The following GOLIM4 variants were observed in gnomAD, a reference collection of about 807,000 sequenced individuals.
GOLIM4 encodes the protein golgi integral membrane protein 4.
GOLIM4 carries 71 observed loss-of-function variants against 107.4 expected under a neutral mutation model. The observed-to-expected ratio is 0.66, with a 90% CI of 0.55 to 0.81. GOLIM4 has a LOEUF of 0.81. Ranked by LOEUF, GOLIM4 falls within the 30% of genes least tolerant of loss-of-function variation. The pLI, the probability that GOLIM4 is intolerant of heterozygous loss-of-function variation, is 0.00. For synonymous variants in GOLIM4, 327 were observed against 294.8 expected (o/e 1.11, Z -1.12); for missense variants, 830 against 826.1 (o/e 1.00, Z -0.06).
intron 1 of GOLIM4, among the ~76,000 whole-genome samples, chr3:168,057,684 A>T (rs950929521): frequency 6.6e-6 from 1 of 152,224 alleles, no homozygotes; most frequent in Admixed American, 6.5e-5. Flanking sequence ...CAAGGCATTC[A>T]ATAGATACTT....
intron 5 of GOLIM4, among the ~76,000 whole-genome samples, chr3:168,042,557 A>G (rs1719077824): frequency 1.3e-5 from 2 of 152,256 alleles, no homozygotes; most frequent in Admixed American, 1.3e-4. Flanking sequence ...CTAGGATTAC[A>G]GGCGTGAGCC....
At position 168,016,472 on chromosome 3, in the gene GOLIM4, A is replaced by G. The variant is rs1156810311; in HGVS notation, c.1861-5649T>C. 1.5e-5 allele frequency among the ~76,000 whole-genome samples: 2 copies of G among 132,086 alleles called. 1 individual carries two copies. Among genetic ancestry groups the G allele is most frequent in the Non-Finnish European group, 3.0e-5 (2 of 67,468 alleles). 86.7% of individuals were successfully genotyped at this position (132,086 alleles called of 152,430 possible). A position where few individuals can be genotyped will look rare whatever the true frequency, so the allele number is the denominator to read the frequency against. On this transcript the variant is annotated intron_variant, in intron 14 of 15. Transcript: ENST00000470487. ...CTGTAAACTAGTTCAACCATTGTGGAAGTCAGTGTGGCGATTCCTCAGGGA... is the reference window on the plus strand; with the variant it reads ...CTGTAAACTAGTTCAACCATTGTGGGAGTCAGTGTGGCGATTCCTCAGGGA...
chr3:168,029,430 T>A (rs565663953), intron 10 of GOLIM4, 128 bp from the exon 11 acceptor site: 2 of 613,684 alleles, frequency 3.3e-6, no homozygotes, highest in Admixed American at 3.4e-5. Context: ...CCATGAAAAA[T>A]TTTTAAAAAC....
At chr3:168,089,767 CTCTT>C (rs973553349) in intron 1 of GOLIM4, among the ~76,000 whole-genome samples, 23 of 142,724 alleles carry the variant, frequency 1.6e-4, no homozygotes, top group Non-Finnish European at 3.3e-4. Flanking sequence ...AGATGTTTCT[CTCTT>C]TTTTTTTTTT....
At position 168,024,930 on chromosome 3, in the gene GOLIM4, C is replaced by T; in HGVS notation, c.1789G>A (p.Val597Met). ...QENTEVEEHL[V>M]MAGNPDQQED... Reference sequence around the variant, plus strand: ...CCTTCCTCGTGGCATCTGCTTACCACCAAATGTTCCTCCACTTCTGTATTC... The same window carrying T: ...CCTTCCTCGTGGCATCTGCTTACCATCAAATGTTCCTCCACTTCTGTATTC... The change falls in exon 13 of 16, where the codon GTG becomes ATG. Residue 597 changes from valine to methionine, a missense_variant and splice_region_variant. Transcript: ENST00000470487. 6.2e-7 allele frequency: 1 copy of T among 1,613,090 alleles called. No individual in the cohort carries two copies. Among genetic ancestry groups the T allele is most frequent in the Non-Finnish European group, 8.5e-7 (1 of 1,179,186 alleles).
At chr3:168,053,046 A>T (rs1417990631) in intron 1 of GOLIM4, among the ~76,000 whole-genome samples, 1 of 152,214 alleles carries the variant, frequency 6.6e-6, no homozygotes, top group African/African-American at 2.4e-5. Flanking sequence ...AAGGGGTTTA[A>T]TATTTTCCAT....
At position 168,015,790 on chromosome 3, in the gene GOLIM4, A is replaced by G. The variant is rs1232024369; in HGVS notation, c.1861-4967T>C. Among the ~76,000 whole-genome samples the G allele has an allele frequency of 1.5e-5, 2 of 133,226 alleles. 1 individual carries two copies. The highest frequency in any genetic ancestry group is 3.0e-5 in the Non-Finnish European group (2 of 67,468). 87.4% of individuals were successfully genotyped at this position (133,226 alleles called of 152,430 possible). A position where few individuals can be genotyped will look rare whatever the true frequency, so the allele number is the denominator to read the frequency against. On this transcript the variant is annotated intron_variant, in intron 14 of 15. Coordinates refer to ENST00000470487, the MANE Select transcript of GOLIM4 (RefSeq NM_014498.5). ...AACCTGAGAAAAACAAGCAATGGGG[A>G]AAGGATTCCCTATTTAATAAATGGT...
At chr3:168,088,817 T>A (rs78077837) in intron 1 of GOLIM4, among the ~76,000 whole-genome samples, 2 of 152,202 alleles carry the variant, frequency 1.3e-5, no homozygotes, top group East Asian at 1.9e-4. Flanking sequence ...CACAGTAATG[T>A]GGTATTGTAC....
intron 1 of GOLIM4, among the ~76,000 whole-genome samples, chr3:168,068,378 A>T (rs965882280): frequency 7.9e-5 from 12 of 151,500 alleles, no homozygotes; most frequent in African/African-American, 2.7e-4. Context: ...AATAAAATTA[A>T]AAAAAAAATC....
chr3:168,051,806 G>A (rs1241080451), intron 1 of GOLIM4, among the ~76,000 whole-genome samples: 1 of 152,140 alleles, frequency 6.6e-6, no homozygotes, highest in African/African-American at 2.4e-5. Context: ...GAGGAGGAGG[G>A]TGAAAGAATG....
intron 1 of GOLIM4, among the ~76,000 whole-genome samples, chr3:168,060,211 A>G (rs1577552597): frequency 2.0e-5 from 3 of 151,924 alleles, no homozygotes; most frequent in Admixed American, 2.0e-4. Context: ...GGTGCATACC[A>G]CCATGCCAGC....
At chr3:168,071,865 A>G (rs1372248433) in intron 1 of GOLIM4, among the ~76,000 whole-genome samples, 1 of 151,802 alleles carries the variant, frequency 6.6e-6, no homozygotes, top group Non-Finnish European at 1.5e-5. Context: ...CCCCTATGAA[A>G]CTCCCATCAT....
intron 7 of GOLIM4, among the ~76,000 whole-genome samples, chr3:168,040,220 A>G (rs756242713): frequency 6.6e-6 from 1 of 152,346 alleles, no homozygotes; most frequent in Non-Finnish European, 1.5e-5. Flanking sequence ...CAGTAAATAT[A>G]TACTGAGGGC....
Position 168,036,793 on chromosome 3 carries a change from G to A in GOLIM4, c.843+43C>T. 6 of 1,488,834 alleles carry A rather than the reference G, an allele frequency of 4.0e-6. No homozygotes were observed. The South Asian group carries it at 8.2e-5, about 20-fold the overall frequency. 92.2% of individuals were successfully genotyped at this position (1,488,834 alleles called of 1,614,324 possible). A position where few individuals can be genotyped will look rare whatever the true frequency, so the allele number is the denominator to read the frequency against. The stretch of plus-strand genomic sequence containing the variant: ...CAGGTCCCCTCTTGGCAACTTGACA[G>A]AGAAAGTGACCTAACCATAGATTAC... On this transcript the variant is annotated intron_variant, in intron 8 of 15. Transcript: ENST00000470487.
At chr3:168,087,259 A>T (rs926786686) in intron 1 of GOLIM4, among the ~76,000 whole-genome samples, 9 of 152,210 alleles carry the variant, frequency 5.9e-5, no homozygotes, top group African/African-American at 2.2e-4. Flanking sequence ...GATTGGTAAT[A>T]GATTTAATTT....
chr3:168,086,462 G>C (rs1018756745), intron 1 of GOLIM4, among the ~76,000 whole-genome samples: 2 of 152,132 alleles, frequency 1.3e-5, no homozygotes, highest in Non-Finnish European at 2.9e-5. Flanking sequence ...TTTTAAATGA[G>C]ATGTGAACTG....
At chr3:168,061,858 T>C (rs1346078233) in intron 1 of GOLIM4, among the ~76,000 whole-genome samples, 3 of 152,176 alleles carry the variant, frequency 2.0e-5, no homozygotes, top group Non-Finnish European at 4.4e-5. Flanking sequence ...GTGCCAGTGA[T>C]GTTCTGATTC....
chr3:168,071,062 G>A (rs1159134785), intron 1 of GOLIM4, among the ~76,000 whole-genome samples: 1 of 152,172 alleles, frequency 6.6e-6, no homozygotes. Flanking sequence ...ACTGATTACA[G>A]CAGTCACCTG....
chr3:168,027,774 G>A lies in GOLIM4; in HGVS notation c.1577C>T (p.Pro526Leu). The A allele has an allele frequency of 6.2e-7, 1 of 1,613,406 alleles. No homozygotes were observed. The part of the protein sequence containing the change: ...AEGDPGNRHE[P>L]REQGPREADP... ...GGCTTCTCGGGGTCCTTGTTCACGA[G>A]GCTCATGTCTATTACCTGGATCTCC... Residue 526 changes from proline (P) to leucine (L), a missense_variant, in exon 12 of 16, where the codon CCT (proline) becomes CTT (leucine). Transcript: ENST00000470487.
Sources: allele counts gnomAD v4.1 joint callset (sites outside exome capture counted in the v4.1 genomes callset), GRCh38; gene constraint gnomAD v4.1.1; transcripts MANE v1.5; gene names NCBI Gene and HGNC (gene_info 2026-07-23, HGNC 2026-07-21).